Variants in SLC10A7 observed in about 807,000 individuals in gnomAD.
SLC10A7 encodes the protein solute carrier family 10 member 7, also known as sodium/bile acid cotransporter 7.
A neutral mutation model predicts 43.2 loss-of-function variants in SLC10A7; 29 were observed. The ratio of observed to expected loss-of-function variants is 0.67; its 90% confidence interval spans 0.50 to 0.92. The LOEUF is 0.92. Among genes scored for constraint, SLC10A7 ranks in the 40% least tolerant of loss-of-function variants. The pLI, the probability that SLC10A7 is intolerant of heterozygous loss-of-function variation, is 0.00. For missense variants in SLC10A7, 295 were observed against 403.2 expected, an observed-to-expected ratio of 0.73 and a Z score of 2.30; for synonymous variants, 152 against 144.8, an observed-to-expected ratio of 1.05 and a Z score of -0.35.
intron 4 of SLC10A7, among the ~76,000 whole-genome samples, chr4:146,485,634 G>A (rs1009308612): frequency 3.3e-5 from 5 of 152,146 alleles, no homozygotes; most frequent in African/African-American, 1.2e-4. Context: ...AGAAGACACA[G>A]TACCAGGAAA....
chr4:146,257,231 G>A (rs374223852), intron 11 of SLC10A7, among the ~76,000 whole-genome samples: 16 of 152,272 alleles, frequency 1.1e-4, no homozygotes, highest in African/African-American at 3.9e-4. Context: ...AACAGTAAAA[G>A]AAAGAAAAAG....
intron 5 of SLC10A7, among the ~76,000 whole-genome samples, chr4:146,386,613 C>T (rs1472452047): frequency 6.6e-6 from 1 of 152,166 alleles, no homozygotes; most frequent in Non-Finnish European, 1.5e-5. Context: ...CCTTCTCTAA[C>T]CTAATGAACT....
intron 6 of SLC10A7, among the ~76,000 whole-genome samples, chr4:146,322,450 A>G (rs1732784105): frequency 1.4e-5 from 2 of 139,358 alleles, no homozygotes; most frequent in South Asian, 2.2e-4. Context: ...ATTCCCACCT[A>G]TGAGTCAGAA....
chr4:146,382,849 T>A (rs1737728226), intron 5 of SLC10A7, among the ~76,000 whole-genome samples: 1 of 152,032 alleles, frequency 6.6e-6, no homozygotes, highest in Non-Finnish European at 1.5e-5. Context: ...CAAAACTCAA[T>A]CTTGACCCAT....
chr4:146,397,269 A>G (rs1206590921), intron 5 of SLC10A7, among the ~76,000 whole-genome samples: 1 of 152,166 alleles, frequency 6.6e-6, no homozygotes, highest in African/African-American at 2.4e-5. Context: ...AATAACGCTC[A>G]TTTTAAAGCA....
chr4:146,303,684 C>T (rs1450693123), intron 7 of SLC10A7, among the ~76,000 whole-genome samples: 1 of 152,090 alleles, frequency 6.6e-6, no homozygotes, highest in East Asian at 1.9e-4. Flanking sequence ...CCAGCCTATA[C>T]ATACATTTTT....
At chr4:146,438,757 G>C (rs1297662039) in intron 5 of SLC10A7, among the ~76,000 whole-genome samples, 1 of 151,820 alleles carries the variant, frequency 6.6e-6, no homozygotes, top group Non-Finnish European at 1.5e-5. Flanking sequence ...CAAATCAAAT[G>C]ATCTAAATTT....
chr4:146,273,021 A>G (rs1018792433), intron 10 of SLC10A7, among the ~76,000 whole-genome samples: 4 of 152,084 alleles, frequency 2.6e-5, no homozygotes, highest in Admixed American at 6.6e-5. Flanking sequence ...TTGATTTTTA[A>G]TGGGTAAAAT....
At position 146,298,158 on chromosome 4, in the gene SLC10A7, C is replaced by A. The variant is rs1238137497; in HGVS notation, c.556-4063G>T. Among the ~76,000 whole-genome samples the A allele has an allele frequency of 2.6e-5, 4 of 152,094 alleles. No individual in the cohort carries two copies. The South Asian group carries it at 8.3e-4, about 32-fold the overall frequency. On this transcript the variant is annotated intron_variant, in intron 7 of 11. Transcript: ENST00000335472. ...CAAATTCCTCACTTTCCGTGTGCCT[C>A]ATCTGTGATATAACAGTAGTTGTCT...
chr4:146,505,803 G>A (rs1267552992), intron 3 of SLC10A7, among the ~76,000 whole-genome samples: 1 of 152,062 alleles, frequency 6.6e-6, no homozygotes, highest in Non-Finnish European at 1.5e-5. Flanking sequence ...CACTAATACT[G>A]AGCATTTACC....
At chr4:146,273,534 G>T (rs2111064739) in intron 10 of SLC10A7, among the ~76,000 whole-genome samples, 2 of 152,264 alleles carry the variant, frequency 1.3e-5, no homozygotes, top group South Asian at 4.2e-4. Context: ...GGTTTCAAGT[G>T]AGACAGTGTA....
chr4:146,350,320 AGAACG>A (rs1274101949), intron 5 of SLC10A7, among the ~76,000 whole-genome samples: 3 of 151,738 alleles, frequency 2.0e-5, no homozygotes, highest in Non-Finnish European at 2.9e-5. Flanking sequence ...TGCGCTTTTC[AGAACG>A]GCTTAAAAAA....
At chr4:146,355,924 G>A (rs1363628521) in intron 5 of SLC10A7, among the ~76,000 whole-genome samples, 1 of 150,170 alleles carries the variant, frequency 6.7e-6, no homozygotes, top group Non-Finnish European at 1.5e-5. Flanking sequence ...AGCACTGGGA[G>A]ACATACCTAA....
intron 5 of SLC10A7, among the ~76,000 whole-genome samples, chr4:146,409,709 G>A (rs915558176): frequency 2.0e-5 from 3 of 152,080 alleles, no homozygotes; most frequent in Admixed American, 2.0e-4. Flanking sequence ...GCCATGCTGT[G>A]GTAACTAATC....
rs182105500 is a variant in SLC10A7 at position 146,479,836 on chromosome 4, A to C, written c.396+24013T>G. Among the ~76,000 whole-genome samples the C allele has an allele frequency of 2.5e-3, 374 of 152,348 alleles. 2 individuals are homozygous for C. The highest frequency in any genetic ancestry group is 8.8e-3 in the African/African-American group (366 of 41,592). ...ATAAAAATTCCAATATCTTTTGTTT[A>C]GACTGTTGCCCTTTGACCAAAGATG... is the stretch of plus-strand genomic sequence containing the variant. On this transcript the variant is annotated intron_variant, in intron 4 of 11. Transcript: ENST00000335472.
intron 6 of SLC10A7, among the ~76,000 whole-genome samples, chr4:146,306,818 A>G (rs114916576): frequency 1.2e-4 from 19 of 152,290 alleles, no homozygotes; most frequent in African/African-American, 4.3e-4. Context: ...TGGACAAACA[A>G]TAGATGTTTT....
intron 5 of SLC10A7, among the ~76,000 whole-genome samples, chr4:146,367,677 TAA>T (rs559045812): frequency 3.7e-4 from 57 of 152,274 alleles, no homozygotes; most frequent in Middle Eastern, 3.4e-3. Context: ...TCCCGAGAAT[TAA>T]AGTTTCTGCT....
intron 5 of SLC10A7, among the ~76,000 whole-genome samples, chr4:146,342,446 G>T (rs1172626825): frequency 6.6e-6 from 1 of 151,478 alleles, no homozygotes; most frequent in South Asian, 2.1e-4. Flanking sequence ...AAAATAAGAA[G>T]AAATAAATAT....
Position 146,399,424 on chromosome 4 carries a change from C to T in SLC10A7, c.435+43359G>A, listed in dbSNP as rs1424767728. Among the ~76,000 whole-genome samples, 5 of 151,936 alleles carry T rather than the reference C, an allele frequency of 3.3e-5. No individual in the cohort carries two copies. The South Asian group carries it at 8.3e-4, about 25-fold the overall frequency. ...AGAGAGTATGGGAATACAATGTAAACGTTTATATTATTTAAAGATTACTAC... is the reference window on the plus strand; with the variant it reads ...AGAGAGTATGGGAATACAATGTAAATGTTTATATTATTTAAAGATTACTAC... On this transcript the variant is annotated intron_variant, in intron 5 of 11. Coordinates refer to ENST00000335472, the MANE Select transcript of SLC10A7 (RefSeq NM_001029998.6).
Sources: gnomAD v4.1 joint callset for allele counts (sites outside exome capture counted in the v4.1 genomes callset) on GRCh38, gnomAD v4.1.1 for gene constraint, MANE v1.5 for transcripts, NCBI Gene and HGNC (gene_info 2026-07-23, HGNC 2026-07-21) for gene names.